Variants in DAPK2 observed in about 807,000 individuals in gnomAD.
DAPK2 encodes death-associated protein kinase 2.
DAPK2 carries 35 observed loss-of-function variants against 44.1 expected under a neutral mutation model. The ratio of observed to expected loss-of-function variants is 0.79; its 90% CI spans 0.61 to 1.05. The LOEUF is 1.05. DAPK2 is among the 50% of genes least tolerant of loss of function. DAPK2 has a pLI of 0.00. For missense variants in DAPK2, 453 were observed against 483.2 expected (o/e 0.94, Z 0.59); for synonymous variants, 174 against 182.6 (o/e 0.95, Z 0.38).
chr15:64,036,329 A>ATATATG (rs1567290211), intron 1 of DAPK2, among the ~76,000 whole-genome samples: 2 of 123,242 alleles, frequency 1.6e-5, no homozygotes, highest in Admixed American at 9.1e-5. Context: ...GTATATATAT[A>ATATATG]TATATATACA....
At chr15:63,995,309 C>T (rs182022983) in intron 1 of DAPK2, among the ~76,000 whole-genome samples, 2 of 152,214 alleles carry the variant, frequency 1.3e-5, no homozygotes, top group East Asian at 3.9e-4. Flanking sequence ...ACCACCACAC[C>T]CGGCTATTCC....
chr15:64,044,397 A>G (rs2141235464), upstream of DAPK2, among the ~76,000 whole-genome samples: 1 of 152,314 alleles, frequency 6.6e-6, no homozygotes, highest in African/African-American at 2.4e-5. Flanking sequence ...TGAGAAGGGG[A>G]AGCCAGAGCA....
intron 1 of DAPK2, among the ~76,000 whole-genome samples, chr15:64,005,984 C>T (rs1015100442): frequency 1.3e-5 from 2 of 148,410 alleles, no homozygotes; most frequent in Admixed American, 1.4e-4. Flanking sequence ...CTGCAGTGAC[C>T]TATGATCGGA....
chr15:63,926,609 G>C (rs960587025), intron 6 of DAPK2, among the ~76,000 whole-genome samples: 7 of 149,440 alleles, frequency 4.7e-5, no homozygotes, highest in Non-Finnish European at 2.9e-5. Context: ...GGGACAAGAA[G>C]GGTCTGTGTG....
At chr15:64,042,039 G>C (rs2080365375), upstream of DAPK2, among the ~76,000 whole-genome samples, 1 of 152,126 alleles carries the variant, frequency 6.6e-6, no homozygotes, top group Non-Finnish European at 1.5e-5. This position sits in a 1 kb window ranked among gnomAD's most constrained non-coding sequence, Gnocchi z 4.7. Flanking sequence ...TTCCAGACTA[G>C]CGTGAGTGTA....
chr15:63,989,659 A>G (rs1359066652), intron 1 of DAPK2, among the ~76,000 whole-genome samples: 1 of 152,148 alleles, frequency 6.6e-6, no homozygotes, highest in Non-Finnish European at 1.5e-5. Context: ...ATTTATTTAT[A>G]CATACATACA....
At chr15:63,974,234 G>A (rs757357911) in intron 2 of DAPK2, among the ~76,000 whole-genome samples, 1 of 152,160 alleles carries the variant, frequency 6.6e-6, no homozygotes, top group Non-Finnish European at 1.5e-5. Flanking sequence ...TCAACAAAAA[G>A]AGTCAAACTC....
intron 3 of DAPK2, among the ~76,000 whole-genome samples, chr15:63,944,280 C>T (rs2077393845): frequency 6.6e-6 from 1 of 152,136 alleles, no homozygotes; most frequent in African/African-American, 2.4e-5. Context: ...GCCATTTGGA[C>T]CAGACATACC....
intron 3 of DAPK2, among the ~76,000 whole-genome samples, chr15:63,941,792 T>A (rs1053781337): frequency 1.3e-5 from 2 of 152,000 alleles, no homozygotes; most frequent in Admixed American, 6.6e-5. Context: ...AGCATGAGGG[T>A]GGGTGAAGTC....
intron 3 of DAPK2, among the ~76,000 whole-genome samples, chr15:63,955,306 T>C (rs557597352): frequency 6.6e-6 from 1 of 152,342 alleles, no homozygotes; most frequent in South Asian, 2.1e-4. Context: ...CGGCTTTTAT[T>C]GTGTTGAGAT....
chr15:63,986,560 G>T (rs1162652770), intron 1 of DAPK2, among the ~76,000 whole-genome samples: 1 of 152,110 alleles, frequency 6.6e-6, no homozygotes, highest in Non-Finnish European at 1.5e-5. Context: ...CGAGTAGCTG[G>T]GACCACAGGT....
At chr15:63,955,865 G>A (rs1173673586) in intron 3 of DAPK2, among the ~76,000 whole-genome samples, 2 of 152,234 alleles carry the variant, frequency 1.3e-5, no homozygotes, top group Non-Finnish European at 2.9e-5. Context: ...ACAGCACCTG[G>A]CCTGGCATTA....
At chr15:63,954,830 C>T (rs965999873) in intron 3 of DAPK2, among the ~76,000 whole-genome samples, 1 of 152,100 alleles carries the variant, frequency 6.6e-6, no homozygotes, top group African/African-American at 2.4e-5. Context: ...CAATTTCTCT[C>T]ATCAATGTTT....
chr15:63,938,317 T>A (rs1296807562), intron 4 of DAPK2, among the ~76,000 whole-genome samples: 1 of 152,210 alleles, frequency 6.6e-6, no homozygotes, highest in African/African-American at 2.4e-5. Context: ...CTCTGCTTCA[T>A]GAAGCCATTT....
chr15:63,958,397 C>T (rs564386463), intron 3 of DAPK2, among the ~76,000 whole-genome samples: 1 of 152,210 alleles, frequency 6.6e-6, no homozygotes, highest in Non-Finnish European at 1.5e-5. Flanking sequence ...GTTGCCATTG[C>T]TTTTGGTGTT....
At position 63,913,648 on chromosome 15, in the gene DAPK2, A is replaced by G. The variant is rs112826565; in HGVS notation, c.859-1451T>C. 8.7e-4 allele frequency among the ~76,000 whole-genome samples: 132 copies of G among 152,236 alleles called. 1 individual carries two copies. Among genetic ancestry groups the G allele is most frequent in the African/African-American group, 3.1e-3 (129 of 41,544 alleles). Reference sequence around the variant, plus strand: ...AGCACACCTCCACGCTTGATTTTTCATCATGGCATCAGGGACCGGAAGAAA... The same window carrying G: ...AGCACACCTCCACGCTTGATTTTTCGTCATGGCATCAGGGACCGGAAGAAA... On this transcript the variant is annotated intron_variant, in intron 8 of 10. Coordinates refer to ENST00000261891, the Ensembl canonical transcript of DAPK2.
chr15:64,003,987 C>CT (rs367818749), intron 1 of DAPK2, among the ~76,000 whole-genome samples: 7 of 152,150 alleles, frequency 4.6e-5, no homozygotes, highest in African/African-American at 1.2e-4. Flanking sequence ...TGTGCCTTAA[C>CT]TTTTTTTTAC....
At chr15:64,033,346 G>A (rs2080084905) in intron 1 of DAPK2, among the ~76,000 whole-genome samples, 1 of 134,876 alleles carries the variant, frequency 7.4e-6, no homozygotes, top group Non-Finnish European at 1.6e-5. Flanking sequence ...TAGCTGCTGG[G>A]TTAACTCCTG....
At chr15:63,974,017 G>C (rs2078282366) in intron 2 of DAPK2, among the ~76,000 whole-genome samples, 2 of 152,044 alleles carry the variant, frequency 1.3e-5, no homozygotes, top group Admixed American at 6.5e-5. Context: ...CCTAACTTAA[G>C]CATAAGACCC....
Sources: allele counts gnomAD v4.1 joint callset (sites outside exome capture counted in the v4.1 genomes callset), GRCh38; gene constraint gnomAD v4.1.1; non-coding constraint Gnocchi (gnomAD v3.1); transcripts MANE v1.5; gene names NCBI Gene and HGNC (gene_info 2026-07-23, HGNC 2026-07-21).